The following LMLN variants were observed in gnomAD, a reference collection of about 807,000 sequenced individuals.
The protein encoded by LMLN is leishmanolysin like peptidase.
LMLN carries 70 observed loss-of-function variants against 92.3 expected under a neutral mutation model. That is an observed-to-expected ratio of 0.76 (90% CI 0.63 to 0.92). The LOEUF is 0.92. Among genes scored for constraint, LMLN ranks in the 40% least tolerant of loss-of-function variants. LMLN has a pLI of 0.00. For missense variants in LMLN, 691 were observed against 814.6 expected, an observed-to-expected ratio of 0.85 and a Z score of 1.85; for synonymous variants, 308 against 296.2, an observed-to-expected ratio of 1.04 and a Z score of -0.41.
rs1722716254 is a variant in LMLN, at chr3:198,019,161, G to T, written c.1233-92G>T. On this transcript the variant is annotated intron_variant, in intron 11 of 15. Transcript: ENST00000330198. The surrounding 1 kb of genome is among the most constrained non-coding windows in gnomAD (Gnocchi z 5.5). Reference sequence around the variant, plus strand: ...TAATTATGAAGGTTTGTATTTTTAGGCCAGGATCTGGAATTCCATTTGTTG... The same window carrying T: ...TAATTATGAAGGTTTGTATTTTTAGTCCAGGATCTGGAATTCCATTTGTTG... The T allele has an allele frequency of 3.1e-6, 4 of 1,271,738 alleles. No homozygotes were observed. The highest frequency in any genetic ancestry group is 3.1e-5 in the South Asian group (2 of 64,304). The allele number at this position is 1,271,738 out of a possible 1,614,324, so 78.8% of individuals were successfully genotyped here.
intron 12 of LMLN, among the ~76,000 whole-genome samples, chr3:198,020,146 C>T (rs1320027158): frequency 6.6e-6 from 1 of 152,158 alleles, no homozygotes; most frequent in Non-Finnish European, 1.5e-5. Flanking sequence ...CAGGTGTGAG[C>T]CAACATGTCT....
intron 11 of LMLN, among the ~76,000 whole-genome samples, chr3:198,002,563 C>A (rs955971851): frequency 6.6e-6 from 1 of 152,180 alleles, no homozygotes; most frequent in African/African-American, 2.4e-5. Flanking sequence ...CATAGTGAAA[C>A]CCCGTCTCTA....
chr3:197,985,752 C>A, intron 7 of LMLN, 44 bp from the exon 8 acceptor site: 1 of 1,323,844 alleles, frequency 7.6e-7, no homozygotes, highest in Non-Finnish European at 1.1e-6. Flanking sequence ...TGTAATCAGC[C>A]TTGATGTTTT....
At chr3:198,012,557 C>G (rs1254671857) in intron 11 of LMLN, among the ~76,000 whole-genome samples, 5 of 152,088 alleles carry the variant, frequency 3.3e-5, no homozygotes, top group African/African-American at 1.2e-4. Context: ...AGCCCCCTAA[C>G]TAGTCTGACT....
In LMLN at chr3:197,982,722, T is replaced by C. The variant is rs200197224; in HGVS notation, c.729-1221T>C. Reference sequence around the variant, plus strand: ...CAAATAAATATGTGATTTCAAAGTATGATAAATACTTCATAGAAAATAAAT... The same window carrying C: ...CAAATAAATATGTGATTTCAAAGTACGATAAATACTTCATAGAAAATAAAT... On this transcript the variant is annotated intron_variant, in intron 6 of 15. Transcript: ENST00000330198. Among the ~76,000 whole-genome samples, 11 of 152,332 alleles carry C rather than the reference T, an allele frequency of 7.2e-5. No homozygotes were observed. The East Asian group carries it at 2.1e-3, about 29-fold the overall frequency.
chr3:197,990,178 T>C (rs982157207), intron 8 of LMLN, among the ~76,000 whole-genome samples: 1 of 152,156 alleles, frequency 6.6e-6, no homozygotes, highest in Non-Finnish European at 1.5e-5. Flanking sequence ...TTCTCCTGCC[T>C]CAGCCGCCTG....
intron 13 of LMLN, among the ~76,000 whole-genome samples, chr3:198,024,363 C>G (rs978165942): frequency 6.6e-5 from 10 of 151,814 alleles, no homozygotes; most frequent in Admixed American, 2.0e-4. Flanking sequence ...CTACAGGCGC[C>G]CGCCACCGCG....
At position 198,031,180 on chromosome 3, in the gene LMLN, A is replaced by G. The variant is rs1384032219; in HGVS notation, c.1657-4653A>G. Among the ~76,000 whole-genome samples, 1 of 152,256 alleles carries G rather than the reference A, an allele frequency of 6.6e-6. No homozygotes were observed. Among genetic ancestry groups the G allele is most frequent in the Admixed American group, 6.5e-5 (1 of 15,288 alleles). ...GAAAACTCAAAGAAGTGTGAAACCT[A>G]TATACTTTTATACTACATTGAACAA... is the stretch of plus-strand genomic sequence containing the variant. On this transcript the variant is annotated intron_variant, in intron 14 of 15. Transcript: ENST00000330198. The surrounding 1 kb of genome is among the most constrained non-coding windows in gnomAD (Gnocchi z 4.8).
At chr3:197,987,736 A>C (rs1721753178) in intron 8 of LMLN, among the ~76,000 whole-genome samples, 2 of 152,258 alleles carry the variant, frequency 1.3e-5, no homozygotes, top group South Asian at 4.1e-4. Flanking sequence ...TATAAATTTT[A>C]ATAGAAACTG....
exon 5 of LMLN, chr3:197,976,670 A>G (rs1581135935): frequency 6.3e-7 from 1 of 1,592,180 alleles, no homozygotes; most frequent in Non-Finnish European, 8.6e-7. Flanking sequence ...AGTGTGCCGC[A>G]CACACAAAGT....
At chr3:197,977,064 C>T (rs1721404556) in intron 5 of LMLN, among the ~76,000 whole-genome samples, 1 of 152,122 alleles carries the variant, frequency 6.6e-6, no homozygotes, top group Admixed American at 6.6e-5. Context: ...ATATGTATGC[C>T]TCAACCCAAC....
chr3:197,995,806 A>G (rs1294368264), intron 9 of LMLN, among the ~76,000 whole-genome samples: 1 of 152,150 alleles, frequency 6.6e-6, no homozygotes, highest in East Asian at 1.9e-4. Context: ...TGTATTCATA[A>G]ATCATAACAT....
chr3:198,016,194 CAAAAAAAAAAA>C (rs202075630), intron 11 of LMLN, among the ~76,000 whole-genome samples: 2 of 83,856 alleles, frequency 2.4e-5, no homozygotes, highest in Admixed American at 1.4e-4. Flanking sequence ...GTTGCAAAAA[CAAAAAAAAAAA>C]AAAAAAAAGG....
chr3:198,009,751 G>GT (rs1210954715), intron 11 of LMLN, among the ~76,000 whole-genome samples: 3 of 152,254 alleles, frequency 2.0e-5, no homozygotes, highest in Non-Finnish European at 2.9e-5. Context: ...AAGTTATCAA[G>GT]TTTATGTGTA....
intron 1 of LMLN, among the ~76,000 whole-genome samples, chr3:197,967,654 A>C (rs1233706532): frequency 2.0e-5 from 3 of 152,188 alleles, no homozygotes; most frequent in Non-Finnish European, 4.4e-5. Context: ...AACAGAAAAC[A>C]GGGTTTGAGA....
chr3:198,035,960 G>C, exon 15 of LMLN: 1 of 1,614,088 alleles, frequency 6.2e-7, no homozygotes. Context: ...AACCTGCTCT[G>C]CCCATCATGT....
At chr3:197,974,210 G>A (rs1484523429) in intron 1 of LMLN, among the ~76,000 whole-genome samples, 167 bp from the exon 2 acceptor site, 1 of 152,200 alleles carries the variant, frequency 6.6e-6, no homozygotes, top group African/African-American at 2.4e-5. Flanking sequence ...GGCAGCCCTT[G>A]CTTGGGAGAG....
intron 11 of LMLN, among the ~76,000 whole-genome samples, chr3:198,016,324 G>A (rs1722640187): frequency 6.6e-6 from 1 of 152,068 alleles, no homozygotes; most frequent in Non-Finnish European, 1.5e-5. Context: ...TAACCCTAAT[G>A]TGAAGATAAT....
intron 10 of LMLN, 56 bp downstream of exon 10, chr3:197,996,338 A>G: frequency 8.6e-7 from 1 of 1,160,920 alleles, no homozygotes; most frequent in South Asian, 1.4e-5. Context: ...ATTCATAATT[A>G]TGGTAAAACT....
Sources: allele counts gnomAD v4.1 joint callset (sites outside exome capture counted in the v4.1 genomes callset), GRCh38; gene constraint gnomAD v4.1.1; non-coding constraint Gnocchi (gnomAD v3.1); transcripts MANE v1.5; gene names NCBI Gene and HGNC (gene_info 2026-07-23, HGNC 2026-07-21).